MAST4: variants seen among roughly 807,000 people sequenced by gnomAD.
MAST4 encodes the protein microtubule-associated serine/threonine-protein kinase 4.
A neutral mutation model predicts 162.7 loss-of-function variants in MAST4; 89 were observed. The ratio of observed to expected loss-of-function variants is 0.55; its 90% CI spans 0.46 to 0.65. The LOEUF (loss-of-function observed/expected upper bound fraction) is 0.65. Among genes scored for constraint, MAST4 ranks in the 30% least tolerant of loss-of-function variants. The pLI, the probability that MAST4 is intolerant of heterozygous loss-of-function variation, is 0.00. For synonymous variants in MAST4, 1,479 were observed against 1,361.1 expected, an observed-to-expected ratio of 1.09 and a Z score of -1.91; for missense variants, 3,153 against 3,374.0, an observed-to-expected ratio of 0.93 and a Z score of 1.62.
intron 1 of MAST4, among the ~76,000 whole-genome samples, chr5:66,612,639 A>G (rs780509971): frequency 5.3e-5 from 8 of 152,234 alleles, no homozygotes; most frequent in Non-Finnish European, 1.0e-4. Context: ...GAATGTGCAC[A>G]GTGCACTATC....
At chr5:66,954,753 T>C (rs1745096712) in intron 4 of MAST4, among the ~76,000 whole-genome samples, 2 of 151,878 alleles carry the variant, frequency 1.3e-5, no homozygotes, top group East Asian at 1.9e-4. Context: ...ATATAAAAAT[T>C]AGCTGCGTGT....
At chr5:66,627,050 T>C (rs1580031666) in intron 1 of MAST4, among the ~76,000 whole-genome samples, 1 of 139,290 alleles carries the variant, frequency 7.2e-6, no homozygotes, top group Non-Finnish European at 1.6e-5. Flanking sequence ...AATAAAGACA[T>C]GTGAGACTGG....
intron 1 of MAST4, among the ~76,000 whole-genome samples, chr5:66,601,980 C>A (rs370642501): frequency 4.6e-5 from 7 of 152,216 alleles, no homozygotes; most frequent in African/African-American, 1.7e-4. Flanking sequence ...AGCTTAGGTA[C>A]TCCAGGTATA....
chr5:66,850,508 T>C (rs1258324637), intron 3 of MAST4, among the ~76,000 whole-genome samples: 3 of 152,174 alleles, frequency 2.0e-5, no homozygotes, highest in African/African-American at 7.2e-5. Flanking sequence ...CTGGAAACTT[T>C]TTGAATGCCA....
intron 2 of MAST4, among the ~76,000 whole-genome samples, chr5:66,771,272 C>T (rs1175823428): frequency 6.6e-6 from 1 of 152,090 alleles, no homozygotes; most frequent in African/African-American, 2.4e-5. Flanking sequence ...GCACGCTCCA[C>T]CTCCCAGGTT....
At chr5:66,695,490 C>T (rs1167105761) in intron 1 of MAST4, among the ~76,000 whole-genome samples, 1 of 152,080 alleles carries the variant, frequency 6.6e-6, no homozygotes, top group African/African-American at 2.4e-5. Context: ...GTTGTCTTGG[C>T]TATATGGGCT....
intron 1 of MAST4, among the ~76,000 whole-genome samples, chr5:66,667,612 A>T (rs938352233): frequency 1.3e-5 from 2 of 152,160 alleles, no homozygotes; most frequent in African/African-American, 2.4e-5. Context: ...CACCTAGTTA[A>T]TTCTTTGTCC....
intron 1 of MAST4, among the ~76,000 whole-genome samples, chr5:66,671,883 A>G (rs1363317926): frequency 6.6e-6 from 1 of 152,124 alleles, no homozygotes; most frequent in Non-Finnish European, 1.5e-5. Context: ...GAGCCCGACC[A>G]ACTTTAGAAG....
chr5:66,604,117 G>C (rs1204090726), intron 1 of MAST4, among the ~76,000 whole-genome samples: 1 of 152,148 alleles, frequency 6.6e-6, no homozygotes, highest in African/African-American at 2.4e-5. Flanking sequence ...GTGAAATGCT[G>C]GTTCAGGACT....
chr5:66,891,867 C>T (rs1384131753), intron 3 of MAST4, among the ~76,000 whole-genome samples: 1 of 152,212 alleles, frequency 6.6e-6, no homozygotes, highest in Non-Finnish European at 1.5e-5. Context: ...TCGATTGGCT[C>T]ATGTACCAGA....
At chr5:67,100,393 C>G in intron 7 of MAST4, 42 bp from the exon 8 acceptor site, 1 of 1,608,004 alleles carries the variant, frequency 6.2e-7, no homozygotes, top group South Asian at 1.1e-5. Context: ...TGAAGAGTTT[C>G]TTTCTGAGGT....
intron 1 of MAST4, among the ~76,000 whole-genome samples, chr5:66,716,401 G>C (rs1178646095): frequency 2.0e-5 from 3 of 151,972 alleles, no homozygotes; most frequent in Non-Finnish European, 4.4e-5. Flanking sequence ...TGCCCAGCCT[G>C]GAGTGCAATG....
At chr5:66,720,128 A>G (rs958071304) in intron 1 of MAST4, among the ~76,000 whole-genome samples, 1 of 151,966 alleles carries the variant, frequency 6.6e-6, no homozygotes, top group Non-Finnish European at 1.5e-5. Flanking sequence ...TTAGTGATAC[A>G]TATTGTTTAA....
intron 6 of MAST4, among the ~76,000 whole-genome samples, chr5:67,094,854 G>C (rs1044839407): frequency 1.3e-5 from 2 of 152,054 alleles, no homozygotes; most frequent in Non-Finnish European, 2.9e-5. Flanking sequence ...TGCCTCTAAG[G>C]CTGAGGCAAA....
intron 1 of MAST4, among the ~76,000 whole-genome samples, chr5:66,685,262 CAAACAAAACAAAACAAAACAAAACA>C (rs60672976): frequency 6.9e-6 from 1 of 143,892 alleles, no homozygotes; most frequent in East Asian, 2.0e-4. Context: ...GACCTTGTCT[CAAACAAAACAAAACAAAACAAAACA>C]AAACAAAACA....
At chr5:67,110,323 A>G in intron 11 of MAST4, 124 bp downstream of exon 11, 2 of 680,194 alleles carry the variant, frequency 2.9e-6, no homozygotes, top group South Asian at 3.4e-5. Flanking sequence ...GGGAATTACA[A>G]CTTGTGAACG....
chr5:67,153,329 G>C (rs1444039592), intron 25 of MAST4, 129 bp from the exon 26 acceptor site: 1 of 934,204 alleles, frequency 1.1e-6, no homozygotes, highest in Non-Finnish European at 1.5e-6. Context: ...AATAGTAAAC[G>C]TACCTGTTAG....
rs764452062 is a variant in MAST4, at chr5:67,166,832, C to G, written c.7653C>G (p.Leu2551=). Residue 2551 remains leucine (L), a synonymous_variant, in exon 29 of 29, where the codon CTC becomes CTG. Coordinates refer to ENST00000403625, the MANE Select transcript of MAST4 (RefSeq NM_001164664.2). ...MGGASHRDRA[L]SVTATVGETK... ...GGGCCAGCCACCGGGACAGGGCTCT[C>G]TCGGTGACTGCCACCGTAGGGGAAA... 3 of 1,604,480 alleles carry G rather than the reference C, an allele frequency of 1.9e-6. No homozygotes were observed. The highest frequency in any genetic ancestry group is 2.6e-6 in the Non-Finnish European group (3 of 1,175,998).
At chr5:66,753,547 C>G (rs1753327515) in intron 1 of MAST4, among the ~76,000 whole-genome samples, 1 of 151,762 alleles carries the variant, frequency 6.6e-6, no homozygotes. Flanking sequence ...ACTAGAAAAT[C>G]TAGAAGAAAT....
Sources: allele counts gnomAD v4.1 joint callset (sites outside exome capture counted in the v4.1 genomes callset), GRCh38; gene constraint gnomAD v4.1.1; transcripts MANE v1.5; gene names NCBI Gene and HGNC (gene_info 2026-07-23, HGNC 2026-07-21).